The following PTK2 variants were observed in gnomAD, a reference collection of about 807,000 sequenced individuals.
PTK2 encodes the protein focal adhesion kinase 1.
A neutral mutation model predicts 150.1 loss-of-function variants in PTK2; 45 were observed. That is an observed-to-expected ratio of 0.30 (90% CI 0.24 to 0.38). PTK2 has a LOEUF of 0.38. PTK2 is among the 10% of genes least tolerant of loss of function. PTK2 has a pLI of 1.00. For missense variants in PTK2, 919 were observed against 1,307.3 expected (o/e 0.70, Z 4.58); for synonymous variants, 432 against 449.2 (o/e 0.96, Z 0.48).
intron 13 of PTK2, among the ~76,000 whole-genome samples, chr8:140,791,070 A>G (rs2100088161): frequency 1.3e-5 from 2 of 152,122 alleles, no homozygotes; most frequent in African/African-American, 4.8e-5. Context: ...ACTCTTGTAA[A>G]GTTTGCTTCA....
chr8:140,927,958 G>GAAAAAAAAAAAAAAAAAAAAAAA (rs57931737), intron 1 of PTK2, among the ~76,000 whole-genome samples: 1 of 63,666 alleles, frequency 1.6e-5, no homozygotes, highest in Non-Finnish European at 2.6e-5. Flanking sequence ...AAAAAAAAAA[G>GAAAAAAAAAAAAAAAAAAAAAAA]AAAAAAAAAA....
intron 14 of PTK2, among the ~76,000 whole-genome samples, chr8:140,780,620 T>C (rs745414688): frequency 6.6e-6 from 1 of 152,194 alleles, no homozygotes; most frequent in Non-Finnish European, 1.5e-5. Flanking sequence ...AGCTGACACA[T>C]ACAGGAGATA....
At chr8:140,910,265 G>C (rs2100162592) in intron 2 of PTK2, among the ~76,000 whole-genome samples, 1 of 152,022 alleles carries the variant, frequency 6.6e-6, no homozygotes, top group Admixed American at 6.5e-5. Flanking sequence ...CAACACTCTA[G>C]CATCACCCAC....
chr8:140,683,040 T>C (rs1347005530), intron 27 of PTK2, among the ~76,000 whole-genome samples: 2 of 151,548 alleles, frequency 1.3e-5, no homozygotes, highest in East Asian at 3.9e-4. Flanking sequence ...TGAAAAACCA[T>C]GCAAAAGATA....
intron 20 of PTK2, among the ~76,000 whole-genome samples, chr8:140,742,229 T>C (rs1423313295): frequency 1.3e-5 from 2 of 152,182 alleles, no homozygotes; most frequent in Non-Finnish European, 1.5e-5. Context: ...TCCCCTTCAC[T>C]GAGGCAATCA....
intron 23 of PTK2, among the ~76,000 whole-genome samples, chr8:140,707,213 A>T (rs1427154399): frequency 6.6e-6 from 1 of 152,106 alleles, no homozygotes; most frequent in Non-Finnish European, 1.5e-5. Context: ...AATGACTGCT[A>T]ATGGGTGAAG....
At chr8:140,714,966 G>C (rs887317605) in intron 23 of PTK2, among the ~76,000 whole-genome samples, 4 of 151,640 alleles carry the variant, frequency 2.6e-5, no homozygotes, top group Admixed American at 6.6e-5. Flanking sequence ...CATTTTAGAC[G>C]TGCTAAATAC....
At chr8:140,832,871 C>A (rs1053176943) in intron 7 of PTK2, 1 of 518,798 alleles carries the variant, frequency 1.9e-6, no homozygotes, top group Non-Finnish European at 3.8e-6. Flanking sequence ...AGGCAACTGG[C>A]CATGTTTCAA....
chr8:140,832,565 G>A (rs1271703386), intron 7 of PTK2, among the ~76,000 whole-genome samples: 1 of 152,222 alleles, frequency 6.6e-6, no homozygotes, highest in African/African-American at 2.4e-5. Flanking sequence ...TGTCTGGACA[G>A]CTTCTGGTCC....
At chr8:140,853,447 T>G (rs1024465964) in intron 5 of PTK2, among the ~76,000 whole-genome samples, 15 of 150,160 alleles carry the variant, frequency 1.0e-4, no homozygotes, top group Non-Finnish European at 3.0e-5. Flanking sequence ...GGTGTTTGGT[T>G]TTCTGTCCTT....
In PTK2 at chr8:140,891,999, A is replaced by G. The variant is rs1291067611; in HGVS notation, c.-32-1230T>C. The stretch of plus-strand genomic sequence containing the variant: ...GGCGGGAAGACTGCTTGAGTCCAGG[A>G]GTTTGAGACCAGTCTGGGCAACATG... On this transcript the variant is annotated intron_variant, in intron 2 of 31. Coordinates refer to ENST00000522684, the Ensembl canonical transcript of PTK2. Among the ~76,000 whole-genome samples, 5 of 151,862 alleles carry G rather than the reference A, an allele frequency of 3.3e-5. No homozygotes were observed. In the East Asian group the frequency reaches 9.7e-4, roughly 29 times the overall value.
chr8:140,982,758 T>C (rs1410685994), intron 1 of PTK2, among the ~76,000 whole-genome samples: 2 of 152,214 alleles, frequency 1.3e-5, no homozygotes, highest in African/African-American at 4.8e-5. Context: ...TGTCCAATGT[T>C]AGCGTACGTT....
At chr8:140,942,279 A>G (rs1265875307) in intron 1 of PTK2, among the ~76,000 whole-genome samples, 1 of 152,248 alleles carries the variant, frequency 6.6e-6, no homozygotes, top group East Asian at 1.9e-4. Flanking sequence ...AAGACTGCAT[A>G]GTTTCATCAA....
intron 1 of PTK2, among the ~76,000 whole-genome samples, chr8:140,938,616 C>T (rs953183741): frequency 6.6e-6 from 1 of 152,222 alleles, no homozygotes; most frequent in African/African-American, 2.4e-5. Flanking sequence ...ACTGCCCTGC[C>T]ACTGCTTTGG....
chr8:140,995,147 G>A (rs907364408), intron 1 of PTK2, among the ~76,000 whole-genome samples: 7 of 151,268 alleles, frequency 4.6e-5, no homozygotes, highest in Admixed American at 2.0e-4. Flanking sequence ...TTGGGAGGCC[G>A]AGGTGGGTGG....
At chr8:140,739,142 G>A (rs371695963) in intron 20 of PTK2, 35 bp from the exon 24 acceptor site, 210 of 1,400,670 alleles carry the variant, frequency 1.5e-4, no homozygotes, top group Non-Finnish European at 2.0e-4. Context: ...AATTTTCCTT[G>A]TTATCTGCTT....
chr8:140,758,003 CTA>C lies in PTK2; in HGVS notation c.1332+3160_1332+3161del, dbSNP rs200882205. On this transcript the variant is annotated intron_variant, in intron 16 of 31. Coordinates refer to ENST00000522684, the Ensembl canonical transcript of PTK2. ...AATACATGATAATGATAATAAACGA[CTA>C]TGTTACAGGTTTTGTGTATTTACTA... Among the ~76,000 whole-genome samples the C allele has an allele frequency of 6.3e-3, 958 of 152,222 alleles. 15 individuals are homozygous for C. Among genetic ancestry groups the C allele is most frequent in the African/African-American group, 0.021 (879 of 41,514 alleles).
intron 26 of PTK2, 55 bp from the exon 30 acceptor site, chr8:140,686,749 G>C (rs1446012422): frequency 6.9e-7 from 1 of 1,451,876 alleles, no homozygotes; most frequent in Non-Finnish European, 9.6e-7. Context: ...GAAAATTTTT[G>C]ACAGATTCTG....
chr8:140,961,896 A>C (rs984812035), intron 1 of PTK2, among the ~76,000 whole-genome samples: 4 of 152,068 alleles, frequency 2.6e-5, no homozygotes, highest in African/African-American at 9.7e-5. Context: ...ACCCAACTGG[A>C]GTGGTGGTGT....
Sources: allele counts gnomAD v4.1 joint callset (sites outside exome capture counted in the v4.1 genomes callset), GRCh38; gene constraint gnomAD v4.1.1; transcripts MANE v1.5; gene names NCBI Gene and HGNC (gene_info 2026-07-23, HGNC 2026-07-21).